Variants in LIPC observed in about 807,000 individuals in gnomAD.
LIPC encodes hepatic triacylglycerol lipase.
LIPC carries 44 observed loss-of-function variants against 50.7 expected under a neutral mutation model. The observed-to-expected ratio is 0.87, with a 90% CI of 0.68 to 1.11. LIPC has a LOEUF of 1.11. Ranked by LOEUF, LIPC falls within the 50% of genes most tolerant of loss-of-function variation. The probability of loss-of-function intolerance (pLI) is 0.00; values close to 1 mark genes in which losing one functional copy is unlikely to be tolerated. For missense variants in LIPC, 697 were observed against 648.2 expected (o/e 1.08, Z -0.82); for synonymous variants, 271 against 256.4 (o/e 1.06, Z -0.54).
chr15:58,558,915 T>A (rs1389304334), intron 6 of LIPC, among the ~76,000 whole-genome samples: 1 of 152,212 alleles, frequency 6.6e-6, no homozygotes, highest in Non-Finnish European at 1.5e-5. Flanking sequence ...AGATAACCCC[T>A]TTAGTAAACC....
intron 1 of LIPC, among the ~76,000 whole-genome samples, chr15:58,432,721 T>C (rs1158195654): frequency 6.6e-6 from 1 of 152,246 alleles, no homozygotes; most frequent in Non-Finnish European, 1.5e-5. Flanking sequence ...ACAGATCAAA[T>C]GCCTTATCAG....
chr15:58,471,329 G>GGGC lies in LIPC; in HGVS notation c.88+39211_88+39212insCGG, dbSNP rs1555399299. On this transcript the variant is annotated intron_variant, in intron 1 of 8. Coordinates refer to ENST00000299022, the MANE Select transcript of LIPC (RefSeq NM_000236.3). ...TTTTTTTTGTATTTTTAGTAGAGAT[G>GGGC]GGGGGGGGTGGTCTCACCATGTTGG... is the stretch of plus-strand genomic sequence containing the variant. Among the ~76,000 whole-genome samples, 29 of 7,400 alleles carry GGGC rather than the reference G, an allele frequency of 3.9e-3. 1 individual carries two copies. The highest frequency in any genetic ancestry group is 0.038 in the East Asian group (9 of 234). 4.9% of individuals were successfully genotyped at this position (7,400 alleles called of 152,430 possible).
chr15:58,482,007 G>C (rs752702195), intron 1 of LIPC, among the ~76,000 whole-genome samples: 15 of 152,132 alleles, frequency 9.9e-5, no homozygotes, highest in Non-Finnish European at 1.9e-4. Flanking sequence ...AAAGAGCCTG[G>C]GGTCAGAAGC....
At chr15:58,446,572 C>G (rs768869734) in intron 1 of LIPC, among the ~76,000 whole-genome samples, 6 of 152,138 alleles carry the variant, frequency 3.9e-5, no homozygotes, top group Non-Finnish European at 8.8e-5. Flanking sequence ...TTGTGAGCAT[C>G]TTGGTTACTT....
intron 5 of LIPC, among the ~76,000 whole-genome samples, chr15:58,547,605 CA>C (rs1893580776): frequency 6.6e-6 from 1 of 150,484 alleles, no homozygotes; most frequent in Non-Finnish European, 1.5e-5. Flanking sequence ...AATTATTTAC[CA>C]CAGATTAGGT....
rs940455151 is a variant in LIPC at position 58,451,819 on chromosome 15, C to T, written c.88+19699C>T. Among the ~76,000 whole-genome samples, 118 of 152,290 alleles carry T rather than the reference C, an allele frequency of 7.7e-4. 1 individual carries two copies. Among genetic ancestry groups the T allele is most frequent in the African/African-American group, 2.7e-3 (112 of 41,562 alleles). ...CGAGCAGGAGGATGCTCCTGCCCTG[C>T]TCACACAGCTGTGGCTCTGCACCTT... On this transcript the variant is annotated intron_variant, in intron 1 of 8. Coordinates refer to ENST00000299022, the MANE Select transcript of LIPC (RefSeq NM_000236.3).
At chr15:58,538,680 G>C (rs1317311096) in intron 2 of LIPC, among the ~76,000 whole-genome samples, 163 bp downstream of exon 2, 1 of 152,186 alleles carries the variant, frequency 6.6e-6, no homozygotes, top group Non-Finnish European at 1.5e-5. Flanking sequence ...CCACGCATTA[G>C]CTCATTGATT....
intron 1 of LIPC, among the ~76,000 whole-genome samples, chr15:58,495,882 G>A (rs1426658919): frequency 6.6e-6 from 1 of 152,194 alleles, no homozygotes; most frequent in East Asian, 1.9e-4. Context: ...CATAAACTCT[G>A]TCCCTACCTT....
At chr15:58,513,497 G>A (rs562882260) in intron 1 of LIPC, among the ~76,000 whole-genome samples, 12 of 152,232 alleles carry the variant, frequency 7.9e-5, no homozygotes, top group African/African-American at 1.7e-4. Context: ...ATGCAGAGCC[G>A]GCCCTTTCTG....
At chr15:58,490,610 A>C (rs1891553233) in intron 1 of LIPC, among the ~76,000 whole-genome samples, 1 of 152,216 alleles carries the variant, frequency 6.6e-6, no homozygotes, top group Non-Finnish European at 1.5e-5. Flanking sequence ...TTTTCCCCTC[A>C]TAGTTTCACA....
chr15:58,546,465 G>C (rs7181352), intron 5 of LIPC, among the ~76,000 whole-genome samples: 146,847 of 152,240 alleles, frequency 0.96, 71,047 homozygotes, highest in East Asian at 1. Flanking sequence ...TACTCAGACT[G>C]TCCCAATGGG....
At chr15:58,443,909 C>T (rs1302806665) in intron 1 of LIPC, among the ~76,000 whole-genome samples, 1 of 151,374 alleles carries the variant, frequency 6.6e-6, no homozygotes, top group Non-Finnish European at 1.5e-5. Flanking sequence ...TGCAAAGAAC[C>T]TTCTTCAGGG....
At chr15:58,483,967 C>A (rs1216924908) in intron 1 of LIPC, among the ~76,000 whole-genome samples, 1 of 152,154 alleles carries the variant, frequency 6.6e-6, no homozygotes, top group African/African-American at 2.4e-5. Flanking sequence ...AAATTTATGT[C>A]CAACATGGGC....
chr15:58,436,496 T>A (rs746913597), intron 1 of LIPC: 1 of 246,684 alleles, frequency 4.1e-6, no homozygotes, highest in African/African-American at 2.2e-5. Flanking sequence ...TTTGTCTTTT[T>A]AAAAATTGTT....
At chr15:58,557,402 T>TTTTTTTTG (rs796425195) in intron 6 of LIPC, among the ~76,000 whole-genome samples, 1 of 142,304 alleles carries the variant, frequency 7.0e-6, no homozygotes, top group African/African-American at 2.7e-5. Flanking sequence ...TTTTTTTTTT[T>TTTTTTTTG]GAGATGTAGT....
intron 1 of LIPC, among the ~76,000 whole-genome samples, chr15:58,438,651 A>G (rs1039532921): frequency 6.6e-6 from 1 of 152,212 alleles, no homozygotes; most frequent in African/African-American, 2.4e-5. Context: ...CGAGAAGACC[A>G]AATCCAGTCA....
chr15:58,556,978 G>A (rs1397700652), intron 6 of LIPC, among the ~76,000 whole-genome samples: 1 of 152,216 alleles, frequency 6.6e-6, no homozygotes, highest in African/African-American at 2.4e-5. Context: ...CATAATTGCT[G>A]TTATTAGTTC....
chr15:58,509,726 A>G (rs1334763957), intron 1 of LIPC, among the ~76,000 whole-genome samples: 1 of 152,066 alleles, frequency 6.6e-6, no homozygotes, highest in Admixed American at 6.6e-5. Flanking sequence ...TATACTCCCA[A>G]ATTTACCCTG....
chr15:58,469,412 G>A (rs1028178474), intron 1 of LIPC, among the ~76,000 whole-genome samples: 1 of 152,182 alleles, frequency 6.6e-6, no homozygotes, highest in Non-Finnish European at 1.5e-5. Flanking sequence ...GAGCACAAAG[G>A]AAGAAAATCA....
Sources: gnomAD v4.1 joint callset for allele counts (sites outside exome capture counted in the v4.1 genomes callset) on GRCh38, gnomAD v4.1.1 for gene constraint, MANE v1.5 for transcripts, NCBI Gene and HGNC (gene_info 2026-07-23, HGNC 2026-07-21) for gene names.